Variants in EDAR observed in about 807,000 individuals in gnomAD.
The protein encoded by EDAR is tumor necrosis factor receptor superfamily member EDAR.
EDAR carries 38 observed loss-of-function variants against 51.3 expected under a neutral mutation model. That is an observed-to-expected ratio of 0.74 (90% CI 0.57 to 0.97). The LOEUF (loss-of-function observed/expected upper bound fraction) is 0.97. EDAR is among the 50% of genes least tolerant of loss of function. The probability of loss-of-function intolerance (pLI) is 0.00; values close to 1 mark genes in which losing one functional copy is unlikely to be tolerated. For synonymous variants in EDAR, 227 were observed against 242.1 expected (o/e 0.94, Z 0.58); for missense variants, 528 against 595.0 (o/e 0.89, Z 1.17).
At chr2:108,974,329 CAAAAAAAA>C (rs11346592) in intron 1 of EDAR, among the ~76,000 whole-genome samples, 264 of 61,558 alleles carry the variant, frequency 4.3e-3, no homozygotes, top group African/African-American at 0.016. Flanking sequence ...GGATCCGTCT[CAAAAAAAA>C]AAAAAAAAAA....
chr2:108,981,475 G>A (rs1197061121), intron 1 of EDAR, among the ~76,000 whole-genome samples: 1 of 152,162 alleles, frequency 6.6e-6, no homozygotes, highest in Non-Finnish European at 1.5e-5. Context: ...GGGATACAAA[G>A]AGAAGCTTCC....
At chr2:108,955,960 T>C (rs1275767329) in intron 1 of EDAR, among the ~76,000 whole-genome samples, 3 of 150,084 alleles carry the variant, frequency 2.0e-5, no homozygotes, top group Non-Finnish European at 4.5e-5. Context: ...ACCCAGGAGG[T>C]GGAGCTTGCA....
intron 11 of EDAR, among the ~76,000 whole-genome samples, chr2:108,899,743 C>T (rs2617887): frequency 0.91 from 139,182 of 152,242 alleles, 63,700 homozygotes; most frequent in East Asian, 1. Flanking sequence ...CCAAGCACTT[C>T]GGGAGGCCAA....
chr2:108,936,707 G>A (rs1697475972), intron 1 of EDAR, among the ~76,000 whole-genome samples: 1 of 152,182 alleles, frequency 6.6e-6, no homozygotes, highest in Non-Finnish European at 1.5e-5. Flanking sequence ...ACTTCCATTT[G>A]ATGTGATTTA....
At chr2:108,929,926 T>A (rs1464745202) in intron 3 of EDAR, among the ~76,000 whole-genome samples, 194 bp downstream of exon 3, 1 of 152,238 alleles carries the variant, frequency 6.6e-6, no homozygotes, top group East Asian at 1.9e-4. Context: ...TGTTTATGAA[T>A]GCTTAGCTGG....
intron 1 of EDAR, among the ~76,000 whole-genome samples, chr2:108,953,425 C>A (rs1697861932): frequency 6.6e-6 from 1 of 152,114 alleles, no homozygotes; most frequent in African/African-American, 2.4e-5. Flanking sequence ...GCCTCTTCAT[C>A]TCATTAAGAC....
In EDAR at chr2:108,909,759, G is replaced by C. The variant is rs867335843; in HGVS notation, c.803+701C>G. On this transcript the variant is annotated intron_variant, in intron 9 of 11. Transcript: ENST00000258443. ...CCTCTACCCTCGATTTTAGAGCAGG[G>C]GCTGGTTCCACACCTTCATGTGTGG... is the stretch of plus-strand genomic sequence containing the variant. 3.0e-4 allele frequency among the ~76,000 whole-genome samples: 46 copies of C among 152,304 alleles called. 1 individual carries two copies. Among genetic ancestry groups the C allele is most frequent in the African/African-American group, 1.0e-3 (42 of 41,568 alleles).
At chr2:108,928,738 G>C (rs1356657182) in intron 4 of EDAR, among the ~76,000 whole-genome samples, 1 of 152,152 alleles carries the variant, frequency 6.6e-6, no homozygotes, top group Non-Finnish European at 1.5e-5. Context: ...TGCATTTTCA[G>C]CTTTTTGAAG....
At chr2:108,904,872 G>A (rs1696772078) in intron 11 of EDAR, among the ~76,000 whole-genome samples, 1 of 152,148 alleles carries the variant, frequency 6.6e-6, no homozygotes, top group Non-Finnish European at 1.5e-5. Flanking sequence ...TTTTTGTATG[G>A]GAGCTGAGTC....
intron 4 of EDAR, among the ~76,000 whole-genome samples, chr2:108,926,436 G>C (rs904307341): frequency 2.6e-5 from 4 of 152,166 alleles, no homozygotes; most frequent in Non-Finnish European, 5.9e-5. Context: ...TTCCCAGAGA[G>C]TTCCTTTCTT....
chr2:108,945,958 C>G (rs1697707075), intron 1 of EDAR, among the ~76,000 whole-genome samples: 1 of 152,160 alleles, frequency 6.6e-6, no homozygotes, highest in Non-Finnish European at 1.5e-5. Flanking sequence ...TTGACCCTTC[C>G]TCAAAATAAA....
intron 5 of EDAR, among the ~76,000 whole-genome samples, chr2:108,920,205 C>T (rs182895049): frequency 8.5e-5 from 13 of 152,358 alleles, no homozygotes; most frequent in Admixed American, 4.6e-4. Flanking sequence ...CAGTGCCTGG[C>T]GCCTGGCACT....
At chr2:108,954,694 G>C (rs990904478) in intron 1 of EDAR, among the ~76,000 whole-genome samples, 1 of 140,148 alleles carries the variant, frequency 7.1e-6, no homozygotes, top group African/African-American at 2.8e-5. Context: ...TTTTTTTTCT[G>C]AGACAGAGTC....
Position 108,929,288 on chromosome 2 carries a change from C to A in EDAR, c.266G>T (p.Arg89Leu). The A allele has an allele frequency of 6.2e-7, 1 of 1,614,202 alleles. No homozygotes were observed. The highest frequency in any genetic ancestry group is 8.5e-7 in the Non-Finnish European group (1 of 1,180,034). ...GAAGAAGCCCTCACAGTCTTTGTGACGCCTGCATATCTGGTAGCCTCCTTT... is the reference window on the plus strand; with the variant it reads ...GAAGAAGCCCTCACAGTCTTTGTGAAGCCTGCATATCTGGTAGCCTCCTTT... Reference protein sequence around the residue: ...FSKGGYQICRRHKDCEGFFRA... With the variant: ...FSKGGYQICRLHKDCEGFFRA... The change falls in exon 4 of 12, where the codon CGT becomes CTT. Residue 89 changes from arginine to leucine, a missense_variant. Physicochemically the swap from Arg to Leu is moderately radical, Grantham distance 102. Coordinates refer to ENST00000258443, the MANE Select transcript of EDAR (RefSeq NM_022336.4).
intron 1 of EDAR, among the ~76,000 whole-genome samples, chr2:108,962,241 CAT>C (rs879866806): frequency 3.3e-5 from 5 of 152,192 alleles, no homozygotes; most frequent in Non-Finnish European, 7.4e-5. Flanking sequence ...GCCTTTCACA[CAT>C]GTGAACCAAC....
At chr2:108,910,029 G>A (rs1231288338) in intron 9 of EDAR, among the ~76,000 whole-genome samples, 1 of 152,218 alleles carries the variant, frequency 6.6e-6, no homozygotes, top group Non-Finnish European at 1.5e-5. Context: ...GTGGGCAGTA[G>A]GCACCAAATG....
intron 1 of EDAR, among the ~76,000 whole-genome samples, chr2:108,940,720 T>C (rs1210481992): frequency 2.0e-5 from 3 of 152,270 alleles, no homozygotes; most frequent in Non-Finnish European, 4.4e-5. Context: ...GACGTGGGTC[T>C]GAACGGGGCA....
At chr2:108,949,663 T>G (rs528184266) in intron 1 of EDAR, among the ~76,000 whole-genome samples, 3 of 152,328 alleles carry the variant, frequency 2.0e-5, no homozygotes, top group Non-Finnish European at 4.4e-5. Context: ...GAGGATTGGT[T>G]TGGGGCTGCA....
At chr2:108,964,680 C>T (rs1279184921) in intron 1 of EDAR, among the ~76,000 whole-genome samples, 3 of 152,184 alleles carry the variant, frequency 2.0e-5, no homozygotes, top group South Asian at 2.1e-4. Context: ...GTGCTGAAGG[C>T]GTGTCCACAG....
Sources: allele counts gnomAD v4.1 joint callset (sites outside exome capture counted in the v4.1 genomes callset), GRCh38; gene constraint gnomAD v4.1.1; transcripts MANE v1.5; gene names NCBI Gene and HGNC (gene_info 2026-07-23, HGNC 2026-07-21).